Variants in A3GALT2 observed in about 807,000 individuals in gnomAD.
A3GALT2 encodes the protein alpha-1,3-galactosyltransferase 2.
A neutral mutation model predicts 16.6 loss-of-function variants in A3GALT2; 14 were observed. That is an observed-to-expected ratio of 0.84 (90% CI 0.56 to 1.32). A3GALT2 has a LOEUF of 1.32. A3GALT2 is among the 40% of genes most tolerant of loss of function. A3GALT2 has a pLI of 0.00. For synonymous variants in A3GALT2, 253 were observed against 218.0 expected, an observed-to-expected ratio of 1.16 and a Z score of -1.42; for missense variants, 600 against 490.9, an observed-to-expected ratio of 1.22 and a Z score of -2.10.
At chr1:33,309,375 G>A (rs977573125) in intron 4 of A3GALT2, among the ~76,000 whole-genome samples, 1 of 149,570 alleles carries the variant, frequency 6.7e-6, no homozygotes, top group African/African-American at 2.5e-5. Flanking sequence ...CTCCCAGACG[G>A]GGGGCTGGCC....
At chr1:33,313,163 C>T (rs1646243602) in intron 1 of A3GALT2, among the ~76,000 whole-genome samples, 1 of 102,360 alleles carries the variant, frequency 9.8e-6, no homozygotes, top group Non-Finnish European at 1.8e-5. Context: ...GTGTTTGTGG[C>T]TCAGTGACGG....
Position 33,308,846 on chromosome 1 carries a change from G to A in A3GALT2, c.336-1393C>T, listed in dbSNP as rs529839805. 1.2e-4 allele frequency among the ~76,000 whole-genome samples: 17 copies of A among 143,498 alleles called. 1 individual carries two copies. The South Asian group carries it at 3.9e-3, about 33-fold the overall frequency. The allele number at this position is 143,498 out of a possible 152,430, so 94.1% of individuals were successfully genotyped here. On this transcript the variant is annotated intron_variant, in intron 4 of 4. Transcript: ENST00000442999. ...GATTTGGCAGGGTCATAGGACAATA[G>A]TGGAGGGAAGGTCAGCAGATAAACA...
chr1:33,307,329 G>C lies in A3GALT2; in HGVS notation c.460C>G (p.Pro154Ala). The C allele has an allele frequency of 6.6e-7, 1 of 1,519,424 alleles. No homozygotes were observed. 94.1% of individuals were successfully genotyped at this position (1,519,424 alleles called of 1,614,324 possible). Reference protein sequence around the residue: ...PGAVPRVALGPGRRLPVERVA... With the variant: ...PGAVPRVALGAGRRLPVERVA... The stretch of plus-strand genomic sequence containing the variant: ...CGCTCCACGGGCAGCCGGCGTCCCG[G>C]GCCCAGCGCCACGCGGGGCACCGCT... Residue 154 changes from proline (P) to alanine (A), a missense_variant, in exon 5 of 5, where the codon CCG becomes GCG. Physicochemically the swap from Pro to Ala is conservative, Grantham distance 27. Transcript: ENST00000442999.
chr1:33,307,218 C>G lies in A3GALT2; in HGVS notation c.571G>C (p.Glu191Gln), dbSNP rs779178479. 6.7e-7 allele frequency: 1 copy of G among 1,500,508 alleles called. No individual in the cohort carries two copies. The highest frequency in any genetic ancestry group is 8.9e-7 in the Non-Finnish European group (1 of 1,125,870). The allele number at this position is 1,500,508 out of a possible 1,614,324, so 92.9% of individuals were successfully genotyped here. A position where few individuals can be genotyped will look rare whatever the true frequency, so the allele number is the denominator to read the frequency against. Residue 191 changes from glutamate to glutamine, a missense_variant, in exon 5 of 5, where the codon GAG becomes CAG. Physicochemically the swap from Glu to Gln is conservative, Grantham distance 29 (BLOSUM62 2). Transcript: ENST00000442999. Reference protein sequence around the residue: ...HAALGGLPGREAHFMFCMDVD... With the variant: ...HAALGGLPGRQAHFMFCMDVD... Reference sequence around the variant, plus strand: ...TCCATGCAGAACATGAAGTGCGCCTCGCGGCCCGGCAGCCCGCCCAGCGCC... The same window carrying G: ...TCCATGCAGAACATGAAGTGCGCCTGGCGGCCCGGCAGCCCGCCCAGCGCC...
At chr1:33,318,017 C>T (rs978446754) in intron 1 of A3GALT2, among the ~76,000 whole-genome samples, 4 of 152,152 alleles carry the variant, frequency 2.6e-5, no homozygotes, top group African/African-American at 7.2e-5. Context: ...TATGTACTCT[C>T]TGGAAAACAG....
At chr1:33,315,211 A>G (rs1418986417) in intron 1 of A3GALT2, among the ~76,000 whole-genome samples, 2 of 152,060 alleles carry the variant, frequency 1.3e-5, no homozygotes, top group Non-Finnish European at 2.9e-5. Flanking sequence ...GTGAAACCCC[A>G]TCTCTACTAA....
chr1:33,312,077 C>G lies in A3GALT2; in HGVS notation c.310G>C (p.Gly104Arg). ...CTGCCTACAGCAAAGATAGTCAGCC[C>G]AATGGTGAGGTTCTGCTGTCTAGCC... ...QEARQQNLTI[G>R]LTIFAVGRYL... The change falls in exon 4 of 5, where the codon GGG becomes CGG. Residue 104 changes from glycine (G) to arginine (R), a missense_variant. Gly to Arg is a moderately radical substitution (Grantham distance 125, BLOSUM62 -2). Coordinates refer to ENST00000442999, the MANE Select transcript of A3GALT2 (RefSeq NM_001080438.1). 1 of 1,613,696 alleles carries G rather than the reference C, an allele frequency of 6.2e-7. No homozygotes were observed. Among genetic ancestry groups the G allele is most frequent in the Non-Finnish European group, 8.5e-7 (1 of 1,179,836 alleles).
chr1:33,308,975 C>T lies in A3GALT2; in HGVS notation c.336-1522G>A, dbSNP rs182709020. On this transcript the variant is annotated intron_variant, in intron 4 of 4. Coordinates refer to ENST00000442999, the MANE Select transcript of A3GALT2 (RefSeq NM_001080438.1). ...ATTAGGGAGCGGTGATGACTCTTAA[C>T]GAGCATGCTGCCTTCAAGCATCTGT... is the stretch of plus-strand genomic sequence containing the variant. Among the ~76,000 whole-genome samples, 492 of 151,404 alleles carry T rather than the reference C, an allele frequency of 3.2e-3. 2 individuals carry two copies. The highest frequency in any genetic ancestry group is 4.7e-3 in the Non-Finnish European group (316 of 67,850).
intron 4 of A3GALT2, among the ~76,000 whole-genome samples, chr1:33,311,219 G>T (rs1042955983): frequency 9.2e-5 from 14 of 152,292 alleles, no homozygotes; most frequent in Admixed American, 3.3e-4. Flanking sequence ...TCGACACCCA[G>T]TTTAGACACT....
intron 4 of A3GALT2, among the ~76,000 whole-genome samples, chr1:33,309,997 A>C (rs1360458286): frequency 6.6e-6 from 1 of 152,208 alleles, no homozygotes; most frequent in Non-Finnish European, 1.5e-5. Flanking sequence ...ACGCCACTGC[A>C]CTCCAGCCTG....
chr1:33,319,513 A>G (rs1189544916), intron 1 of A3GALT2, among the ~76,000 whole-genome samples: 1 of 152,214 alleles, frequency 6.6e-6, no homozygotes, highest in East Asian at 1.9e-4. Context: ...CTACACATAT[A>G]ACAAACTCAG....
intron 1 of A3GALT2, among the ~76,000 whole-genome samples, chr1:33,317,894 G>C (rs1028478187): frequency 6.6e-6 from 1 of 152,294 alleles, no homozygotes; most frequent in Non-Finnish European, 1.5e-5. Context: ...TCCTGTCAGT[G>C]CTCAAAAAAT....
At position 33,307,304 on chromosome 1, in the gene A3GALT2, C is replaced by T. The variant is rs1646199648; in HGVS notation, c.485G>A (p.Arg162His). ...LGPGRRLPVE[R>H]VARERRWQDV... ...TTGCCAGCGCCGCTCGCGCGCCACG[C>T]GCTCCACGGGCAGCCGGCGTCCCGG... The change falls in exon 5 of 5, where the codon CGC (arginine) becomes CAC (histidine). Residue 162 changes from arginine (R) to histidine (H), a missense_variant. By Grantham distance (29) the Arg-to-His change is conservative. Transcript: ENST00000442999. 6.8e-7 allele frequency: 1 copy of T among 1,478,886 alleles called. No individual in the cohort carries two copies. The allele number at this position is 1,478,886 out of a possible 1,614,324, so 91.6% of individuals were successfully genotyped here. A position where few individuals can be genotyped will look rare whatever the true frequency, so the allele number is the denominator to read the frequency against.
At position 33,307,417 on chromosome 1, in the gene A3GALT2, C is replaced by G. The variant is rs777380402; in HGVS notation, c.372G>C (p.Thr124=). The change falls in exon 5 of 5, where the codon ACG becomes ACC. Residue 124 remains threonine (T), a synonymous_variant. Transcript: ENST00000442999. ...LEKYLERFLE[T]AEQHFMAGQS... ...GGCCCGCCATGAAGTGCTGCTCCGCCGTCTCCAGGAAGCGCTCCAGGTACT... is the reference window on the plus strand; with the variant it reads ...GGCCCGCCATGAAGTGCTGCTCCGCGGTCTCCAGGAAGCGCTCCAGGTACT... 1 of 1,550,322 alleles carries G rather than the reference C, an allele frequency of 6.5e-7. No individual in the cohort carries two copies. The highest frequency in any genetic ancestry group is 1.4e-5 in the African/African-American group (1 of 70,266).
At chr1:33,321,030 G>A (rs1646283628) in intron 1 of A3GALT2, 46 bp downstream of exon 1, 2 of 1,611,202 alleles carry the variant, frequency 1.2e-6, no homozygotes, top group Non-Finnish European at 1.7e-6. Flanking sequence ...TCTTAGCTCA[G>A]CTGTCCCCAA....
In A3GALT2 at chr1:33,312,825, T is replaced by C; in HGVS notation, c.89A>G (p.Tyr30Cys). The C allele has an allele frequency of 6.2e-7, 1 of 1,603,166 alleles. No individual in the cohort carries two copies. The highest frequency in any genetic ancestry group is 8.5e-7 in the Non-Finnish European group (1 of 1,174,948). Reference sequence around the variant, plus strand: ...CTTTTACCTGAATTTAGGGAGGCCATACAGAAACAGGCCTAAGAGGCCAAG... The same window carrying C: ...CTTTTACCTGAATTTAGGGAGGCCACACAGAAACAGGCCTAAGAGGCCAAG... Reference protein sequence around the residue: ...LTLGLLGLFLYGLPKFRHLEA... With the variant: ...LTLGLLGLFLCGLPKFRHLEA... The change falls in exon 2 of 5, where the codon TAT becomes TGT. Residue 30 changes from tyrosine to cysteine, a missense_variant. Tyr to Cys is a radical substitution (Grantham distance 194, BLOSUM62 -2). Coordinates refer to ENST00000442999, the MANE Select transcript of A3GALT2 (RefSeq NM_001080438.1).
chr1:33,311,915 A>C, intron 4 of A3GALT2, 137 bp downstream of exon 4: 1 of 1,287,684 alleles, frequency 7.8e-7, no homozygotes, highest in Non-Finnish European at 1.1e-6. Context: ...GGTGTGGGGC[A>C]AGAAGTGTTG....
chr1:33,309,259 C>A (rs1646220017), intron 4 of A3GALT2, among the ~76,000 whole-genome samples: 1 of 152,264 alleles, frequency 6.6e-6, no homozygotes, highest in Admixed American at 6.5e-5. Flanking sequence ...ATCATCATGG[C>A]CTGTTCTCAA....
intron 1 of A3GALT2, among the ~76,000 whole-genome samples, chr1:33,318,836 C>T (rs1206253623): frequency 6.6e-6 from 1 of 152,226 alleles, no homozygotes; most frequent in Non-Finnish European, 1.5e-5. Context: ...ATGCTAGGGA[C>T]TGTCTGCCTC....
Sources: allele counts gnomAD v4.1 joint callset (sites outside exome capture counted in the v4.1 genomes callset), GRCh38; gene constraint gnomAD v4.1.1; transcripts MANE v1.5; gene names NCBI Gene and HGNC (gene_info 2026-07-23, HGNC 2026-07-21).